Variants in VWA5A observed in about 807,000 individuals in gnomAD.
VWA5A encodes the protein von Willebrand factor A domain-containing protein 5A.
VWA5A carries 77 observed loss-of-function variants against 84.6 expected under a neutral mutation model. The observed-to-expected ratio is 0.91, with a 90% CI of 0.76 to 1.10. The LOEUF is 1.10. VWA5A is among the 50% of genes least tolerant of loss of function. VWA5A has a pLI of 0.00. For missense variants in VWA5A, 973 were observed against 963.0 expected (o/e 1.01, Z -0.14); for synonymous variants, 334 against 350.1 (o/e 0.95, Z 0.51).
At chr11:124,140,059 G>A (rs1860697286) in intron 15 of VWA5A, among the ~76,000 whole-genome samples, 1 of 151,970 alleles carries the variant, frequency 6.6e-6, no homozygotes, top group Admixed American at 6.6e-5. Flanking sequence ...TCATGTTTTT[G>A]TCCTTTTTTA....
chr11:124,136,366 G>A, intron 13 of VWA5A, 73 bp downstream of exon 13: 10 of 1,557,076 alleles, frequency 6.4e-6, no homozygotes, highest in Non-Finnish European at 8.7e-6. Context: ...GCTGGTAGGT[G>A]GATTTCAATC....
In VWA5A at chr11:124,141,697, A is replaced by G. The variant is rs141012955; in HGVS notation, c.1979A>G (p.Tyr660Cys). 5.2e-5 allele frequency: 84 copies of G among 1,614,178 alleles called. No individual in the cohort carries two copies. The African/African-American group carries it at 1.0e-3, about 19-fold the overall frequency. Residue 660 changes from tyrosine (Y) to cysteine (C), a missense_variant, in exon 16 of 19, where the codon TAC becomes TGC. Tyr to Cys is a radical substitution (Grantham distance 194, BLOSUM62 -2). Coordinates refer to ENST00000456829, the MANE Select transcript of VWA5A (RefSeq NM_001130142.2). The stretch of plus-strand genomic sequence containing the variant: ...GCCAAGACATTCCAGATGGACGATT[A>G]CAGTCTCTGTGGGTTGATAAGTCAC... ...YKAKTFQMDDYSLCGLISHKD... is the reference protein window; with the variant it reads ...YKAKTFQMDDCSLCGLISHKD...
intron 15 of VWA5A, among the ~76,000 whole-genome samples, chr11:124,139,775 C>G (rs1591366083): frequency 6.6e-6 from 1 of 151,752 alleles, no homozygotes; most frequent in Non-Finnish European, 1.5e-5. Context: ...CTTTTCCAAT[C>G]TAGATTCTTT....
rs538815965 is a variant in VWA5A at position 124,118,304 on chromosome 11, C to A, written c.362C>A (p.Ser121Ter). The A allele has an allele frequency of 1.9e-6, 3 of 1,614,172 alleles. No homozygotes were observed. The highest frequency in any genetic ancestry group is 1.1e-5 in the South Asian group (1 of 91,072). ...AATGTGGGTAACCTCCAACCTGGGT[C>A]GAAGGCGGCAGTCACCCTGAAGTAT... is the stretch of plus-strand genomic sequence containing the variant. ...SCNVGNLQPG[S>*]KAAVTLKYVQ... Residue 121 changes from serine to a stop codon, truncating the protein, a stop_gained, in exon 5 of 19, where the codon TCG (serine) becomes TAG (stop). Coordinates refer to ENST00000456829, the MANE Select transcript of VWA5A (RefSeq NM_001130142.2). LOFTEE classifies it high-confidence loss of function.
rs755740763 is a variant in VWA5A at position 124,119,089 on chromosome 11, G to C, written c.760G>C (p.Gly254Arg). ...LEMGMPNMKP[G>R]HLMGDPSAMV... ...GATGGGGATGCCTAACATGAAGCCA[G>C]GTATTTTCTTTCTTCCTTTGTAGTC... Residue 254 changes from glycine to arginine, a missense_variant and splice_region_variant, in exon 7 of 19, where the codon GGT becomes CGT. Coordinates refer to ENST00000456829, the MANE Select transcript of VWA5A (RefSeq NM_001130142.2). 1 of 1,613,442 alleles carries C rather than the reference G, an allele frequency of 6.2e-7. No homozygotes were observed. The highest frequency in any genetic ancestry group is 2.2e-5 in the East Asian group (1 of 44,852).
At chr11:124,128,369 T>C (rs1342566895) in intron 11 of VWA5A, among the ~76,000 whole-genome samples, 1 of 152,260 alleles carries the variant, frequency 6.6e-6, no homozygotes, top group Non-Finnish European at 1.5e-5. Flanking sequence ...ACCATTGGTC[T>C]ATATATCTGT....
At chr11:124,135,211 A>G (rs2137654166) in intron 12 of VWA5A, among the ~76,000 whole-genome samples, 177 bp downstream of exon 12, 1 of 152,306 alleles carries the variant, frequency 6.6e-6, no homozygotes. Flanking sequence ...CATGTAATAG[A>G]AGCCCACTGT....
intron 12 of VWA5A, 40 bp downstream of exon 12, chr11:124,135,074 T>G: frequency 6.4e-7 from 1 of 1,571,176 alleles, no homozygotes; most frequent in South Asian, 1.2e-5. Flanking sequence ...GAGGTGGCAA[T>G]CCAGACCAAA....
At chr11:124,143,929 G>T (rs551025753) in intron 17 of VWA5A, among the ~76,000 whole-genome samples, 1 of 151,894 alleles carries the variant, frequency 6.6e-6, no homozygotes, top group East Asian at 1.9e-4. Flanking sequence ...TTTTTTTAAT[G>T]ATGAGAACAT....
chr11:124,124,575 T>G (rs1323262457), intron 11 of VWA5A: 2 of 1,190,116 alleles, frequency 1.7e-6, no homozygotes, highest in Admixed American at 4.5e-5. Flanking sequence ...GATGTTAATT[T>G]TTTTTACTAT....
In VWA5A at chr11:124,146,069, A is replaced by C; in HGVS notation, c.*124A>C. The C allele has an allele frequency of 1.0e-6, 1 of 996,444 alleles. No individual in the cohort carries two copies. 61.7% of individuals were successfully genotyped at this position (996,444 alleles called of 1,614,324 possible). On this transcript the variant is annotated 3_prime_UTR_variant, in exon 19 of 19. Coordinates refer to ENST00000456829, the MANE Select transcript of VWA5A (RefSeq NM_001130142.2). Reference sequence around the variant, plus strand: ...TTATTTTTTGCCATAAAAGTAAAGGATGCTTACTCCACTTCGCTTCTCTGC... The same window carrying C: ...TTATTTTTTGCCATAAAAGTAAAGGCTGCTTACTCCACTTCGCTTCTCTGC...
chr11:124,129,578 G>A (rs909129557), intron 11 of VWA5A, among the ~76,000 whole-genome samples: 2 of 152,088 alleles, frequency 1.3e-5, no homozygotes, highest in African/African-American at 2.4e-5. Context: ...TTGTACCTCT[G>A]GTAGAATTCA....
intron 15 of VWA5A, among the ~76,000 whole-genome samples, chr11:124,137,679 G>C (rs1252108000): frequency 6.6e-6 from 1 of 152,098 alleles, no homozygotes; most frequent in East Asian, 1.9e-4. Context: ...ATCAATTTTA[G>C]AGCATTTTCA....
chr11:124,123,172 G>A, intron 8 of VWA5A, 43 bp downstream of exon 8: 2 of 1,591,260 alleles, frequency 1.3e-6, no homozygotes, highest in Non-Finnish European at 8.5e-7. Context: ...ATGCTCAAGT[G>A]AGGATGAATC....
chr11:124,139,430 A>G (rs1214447931), intron 15 of VWA5A, among the ~76,000 whole-genome samples: 2 of 152,136 alleles, frequency 1.3e-5, no homozygotes, highest in Non-Finnish European at 2.9e-5. Context: ...AGAACATGAG[A>G]TATCTTTACA....
rs371837681 is a variant in VWA5A at position 124,117,775 on chromosome 11, C to T, written c.146C>T (p.Ala49Val). 1.4e-4 allele frequency: 228 copies of T among 1,614,070 alleles called. 1 individual carries two copies. Among genetic ancestry groups the T allele is most frequent in the Non-Finnish European group, 1.7e-4 (203 of 1,180,050 alleles). ...AATGAGGAGAAAGTTCCTTTGGAGG[C>T]CTTCTTTGTGTTCCCCATGGATGAA... is the stretch of plus-strand genomic sequence containing the variant. ...YENEEKVPLE[A>V]FFVFPMDEDS... Residue 49 changes from alanine to valine, a missense_variant, in exon 4 of 19, where the codon GCC becomes GTC. Physicochemically the swap from Ala to Val is moderately conservative, Grantham distance 64 (BLOSUM62 0). Transcript: ENST00000456829.
Position 124,137,183 on chromosome 11 carries a change from G to A in VWA5A, c.1794G>A (p.Pro598=), listed in dbSNP as rs34188444. 0.033 allele frequency: 53,553 copies of A among 1,613,944 alleles called. 1,288 individuals are homozygous for A. Among genetic ancestry groups the A allele is most frequent in the African/African-American group, 0.11 (8,362 of 74,940 alleles). ...CTATCAATAAGGAGCTCAACAAGCC[G>A]GTTCAGGGGCCTCTGGCTCATAGGG... ...FIAINKELNK[P]VQGPLAHRDV... is the part of the protein sequence containing the mutation. The change falls in exon 15 of 19, where the codon CCG becomes CCA. Residue 598 remains proline (P), a synonymous_variant. Transcript: ENST00000456829.
chr11:124,126,576 T>C (rs1019407610), intron 11 of VWA5A, among the ~76,000 whole-genome samples: 1 of 152,056 alleles, frequency 6.6e-6, no homozygotes, highest in African/African-American at 2.4e-5. Flanking sequence ...CTGGCCAACA[T>C]GGTGAAACCC....
chr11:124,125,579 G>A (rs920996031), intron 11 of VWA5A, among the ~76,000 whole-genome samples: 1 of 152,180 alleles, frequency 6.6e-6, no homozygotes. Context: ...CACCGTGCCA[G>A]GCCCCTTATT....
Sources: gnomAD v4.1 joint callset for allele counts (sites outside exome capture counted in the v4.1 genomes callset) on GRCh38, gnomAD v4.1.1 for gene constraint, MANE v1.5 for transcripts, NCBI Gene and HGNC (gene_info 2026-07-23, HGNC 2026-07-21) for gene names.